The following MACROD2 variants were observed in gnomAD, a reference collection of about 807,000 sequenced individuals.
MACROD2 encodes ADP-ribose glycohydrolase MACROD2.
In MACROD2, 36 loss-of-function variants were observed where a neutral mutation model predicts 70.4. The ratio of observed to expected loss-of-function variants is 0.51; its 90% CI spans 0.39 to 0.68. The LOEUF is 0.68. MACROD2 is among the 30% of genes least tolerant of loss of function. The pLI is 0.00. For missense variants in MACROD2, 496 were observed against 538.4 expected, an observed-to-expected ratio of 0.92 and a Z score of 0.78; for synonymous variants, 172 against 178.8, an observed-to-expected ratio of 0.96 and a Z score of 0.30.
At chr20:14,530,584 G>C (rs908389515) in intron 4 of MACROD2, among the ~76,000 whole-genome samples, 5 of 152,080 alleles carry the variant, frequency 3.3e-5, no homozygotes, top group African/African-American at 1.2e-4. Flanking sequence ...CTTATCTGCA[G>C]GATTTGTATT....
At chr20:15,955,836 T>A (rs370975797) in intron 12 of MACROD2, among the ~76,000 whole-genome samples, 10 of 152,280 alleles carry the variant, frequency 6.6e-5, no homozygotes, top group African/African-American at 2.2e-4. Flanking sequence ...TCAGGAAGAA[T>A]AGCTAATGGA....
rs964171986 is a variant in MACROD2 at position 15,235,797 on chromosome 20, T to C, written c.540+5736T>C. Among the ~76,000 whole-genome samples, 3 of 152,208 alleles carry C rather than the reference T, an allele frequency of 2.0e-5. No homozygotes were observed. In the East Asian group the frequency reaches 5.8e-4, roughly 29 times the overall value. On this transcript the variant is annotated intron_variant, in intron 6 of 17. Transcript: ENST00000684519. ...GCCTTAAAAAGCTGACCCTTTCATT[T>C]GGTACCTCTGCTCCTCTGCCTAACT...
At chr20:15,915,846 G>A (rs1418443044) in intron 10 of MACROD2, among the ~76,000 whole-genome samples, 1 of 152,158 alleles carries the variant, frequency 6.6e-6, no homozygotes, top group African/African-American at 2.4e-5. Flanking sequence ...GTGCCATGGT[G>A]AAGAGTTTGA....
chr20:15,388,802 G>C (rs1213020990), intron 6 of MACROD2, among the ~76,000 whole-genome samples: 1 of 152,156 alleles, frequency 6.6e-6, no homozygotes, highest in Non-Finnish European at 1.5e-5. Context: ...CATCACCCAA[G>C]AATGTTGTGT....
At chr20:14,000,653 G>A (rs2052722433) in intron 1 of MACROD2, among the ~76,000 whole-genome samples, 1 of 152,190 alleles carries the variant, frequency 6.6e-6, no homozygotes, top group Non-Finnish European at 1.5e-5. Flanking sequence ...ACAGAGTGAA[G>A]AAGCCAGTGT....
rs1407930517 is a variant in MACROD2 at position 14,520,960 on chromosome 20, C to CAT, written c.301+27453_301+27454insTA. ...AGACATGCACGCGTGCGTGCGCGCA[C>CAT]ACACACACACACACGCACACACACA... is the stretch of plus-strand genomic sequence containing the variant. On this transcript the variant is annotated intron_variant, in intron 4 of 17. Transcript: ENST00000684519. 5.2e-4 allele frequency among the ~76,000 whole-genome samples: 46 copies of CAT among 88,500 alleles called. No individual in the cohort carries two copies. In the East Asian group the frequency reaches 0.014, roughly 26 times the overall value. The allele number at this position is 88,500 out of a possible 152,430, so 58.1% of individuals were successfully genotyped here.
At chr20:15,618,196 C>G (rs900396191) in intron 8 of MACROD2, among the ~76,000 whole-genome samples, 14 of 144,764 alleles carry the variant, frequency 9.7e-5, no homozygotes, top group African/African-American at 3.6e-4. Flanking sequence ...TTCCCCACAA[C>G]TCACTGCCCT....
chr20:14,916,075 A>C (rs1486509529), intron 5 of MACROD2, among the ~76,000 whole-genome samples: 1 of 152,194 alleles, frequency 6.6e-6, no homozygotes, highest in Non-Finnish European at 1.5e-5. Context: ...TTTGCAGTGA[A>C]AATGCAAAAT....
intron 6 of MACROD2, among the ~76,000 whole-genome samples, chr20:15,237,811 C>A (rs573501554): frequency 6.6e-6 from 1 of 151,694 alleles, no homozygotes; most frequent in Non-Finnish European, 1.5e-5. Context: ...TTTTATCTTT[C>A]CCCCTTCATC....
At chr20:14,410,802 C>T (rs2122864810) in intron 3 of MACROD2, among the ~76,000 whole-genome samples, 1 of 152,268 alleles carries the variant, frequency 6.6e-6, no homozygotes, top group South Asian at 2.1e-4. Flanking sequence ...TTTCTGACTT[C>T]CCTACTTTTC....
At chr20:14,765,028 C>G (rs1027179479) in intron 5 of MACROD2, among the ~76,000 whole-genome samples, 2 of 152,028 alleles carry the variant, frequency 1.3e-5, no homozygotes, top group East Asian at 3.9e-4. Context: ...CCAGCTGAAC[C>G]GGTACCTAGT....
At chr20:15,535,765 G>A (rs187988834) in intron 8 of MACROD2, among the ~76,000 whole-genome samples, 1 of 152,284 alleles carries the variant, frequency 6.6e-6, no homozygotes, top group African/African-American at 2.4e-5. Flanking sequence ...TTTTCATAAT[G>A]AGTGTTCATC....
chr20:15,049,304 AAAGAG>A (rs2075420408), intron 5 of MACROD2, among the ~76,000 whole-genome samples: 1 of 152,028 alleles, frequency 6.6e-6, no homozygotes, highest in Non-Finnish European at 1.5e-5. Context: ...GGAGAAGAAG[AAAGAG>A]AAGAGGGAGG....
At chr20:16,035,849 C>T (rs559669615) in intron 15 of MACROD2, among the ~76,000 whole-genome samples, 54 of 151,880 alleles carry the variant, frequency 3.6e-4, no homozygotes, top group East Asian at 1.9e-3. Context: ...GTTGTCCTTG[C>T]GGTAAAAGGT....
rs769936486 is a variant in MACROD2, at chr20:14,319,807, G to A, written c.272-173672G>A. On this transcript the variant is annotated intron_variant, in intron 3 of 17. Transcript: ENST00000684519. ...TTTTTGTTTGTTGTTTCTTTGATGT[G>A]GATTCTTCTTCTTCCCCTGCTACAA... Among the ~76,000 whole-genome samples, 3 of 151,868 alleles carry A rather than the reference G, an allele frequency of 2.0e-5. No individual in the cohort carries two copies. The South Asian group carries it at 6.3e-4, about 32-fold the overall frequency.
intron 7 of MACROD2, among the ~76,000 whole-genome samples, chr20:15,490,360 T>C (rs553313988): frequency 1.2e-3 from 178 of 151,828 alleles, no homozygotes; most frequent in African/African-American, 4.2e-3. Context: ...CAATTCCTAG[T>C]CTCAAGCAAT....
At chr20:15,241,646 G>T (rs2077060505) in intron 6 of MACROD2, among the ~76,000 whole-genome samples, 1 of 150,020 alleles carries the variant, frequency 6.7e-6, no homozygotes, top group Non-Finnish European at 1.5e-5. Flanking sequence ...CTGTCTTGCA[G>T]AACAAGTGAA....
intron 6 of MACROD2, among the ~76,000 whole-genome samples, chr20:15,404,794 ACT>A (rs772342795): frequency 1.1e-4 from 17 of 152,250 alleles, no homozygotes; most frequent in Admixed American, 5.2e-4. Context: ...AGTAGCATTG[ACT>A]CTCATTTGTG....
In MACROD2 at chr20:16,052,692, T is replaced by C. The variant is rs1430673830; in HGVS notation, c.*2816T>C. 6.6e-6 allele frequency: 1 copy of C among 152,654 alleles called. No individual in the cohort carries two copies. The highest frequency in any genetic ancestry group is 1.5e-5 in the Non-Finnish European group (1 of 68,040). 9.5% of individuals were successfully genotyped at this position (152,654 alleles called of 1,614,324 possible). A position where few individuals can be genotyped will look rare whatever the true frequency, so the allele number is the denominator to read the frequency against. On this transcript the variant is annotated 3_prime_UTR_variant, in exon 18 of 18. Coordinates refer to ENST00000684519, the MANE Select transcript of MACROD2 (RefSeq NM_001351661.2). Reference sequence around the variant, plus strand: ...AATCACTGCAGCTAATTGTAAATCTTTCTATGAAACACTGAAAAGCCTCTT... The same window carrying C: ...AATCACTGCAGCTAATTGTAAATCTCTCTATGAAACACTGAAAAGCCTCTT...
Sources: allele counts gnomAD v4.1 joint callset (sites outside exome capture counted in the v4.1 genomes callset), GRCh38; gene constraint gnomAD v4.1.1; transcripts MANE v1.5; gene names NCBI Gene and HGNC (gene_info 2026-07-23, HGNC 2026-07-21).